FBXO34: variants seen among roughly 807,000 people sequenced by gnomAD.
FBXO34 encodes the protein F-box protein 34.
A neutral mutation model predicts 24.5 loss-of-function variants in FBXO34; 12 were observed. That is an observed-to-expected ratio of 0.49 (90% CI 0.31 to 0.79). The LOEUF (loss-of-function observed/expected upper bound fraction) is 0.79, where lower values mean the gene tolerates loss of function less well. Ranked by LOEUF, FBXO34 falls within the 30% of genes least tolerant of loss-of-function variation. FBXO34 has a pLI of 0.04. For missense variants in FBXO34, 823 were observed against 857.7 expected, an observed-to-expected ratio of 0.96 and a Z score of 0.51; for synonymous variants, 320 against 311.9, an observed-to-expected ratio of 1.03 and a Z score of -0.27.
chr14:55,290,685 C>T (rs1881916971), intron 1 of FBXO34, among the ~76,000 whole-genome samples: 1 of 152,150 alleles, frequency 6.6e-6, no homozygotes, highest in South Asian at 2.1e-4. Context: ...CACTTCATAG[C>T]AGTTTGAATT....
the FBXO34 span, among the ~76,000 whole-genome samples, chr14:55,412,864 TTTC>T: frequency 6.6e-6 from 1 of 152,164 alleles, no homozygotes; most frequent in Non-Finnish European, 1.5e-5. Context: ...ACAAACCTGT[TTTC>T]TTACTTTGGT....
the FBXO34 span, among the ~76,000 whole-genome samples, chr14:55,400,914 AAAATAAAAT>A: frequency 1.4e-5 from 1 of 70,936 alleles, no homozygotes; most frequent in Non-Finnish European, 3.8e-5. Context: ...ATAAATAAAT[AAAATAAAAT>A]AAAATAAAAT....
downstream of FBXO34, chr14:55,370,012 A>C: frequency 7.6e-7 from 1 of 1,313,686 alleles, no homozygotes; most frequent in Middle Eastern, 2.0e-4. Context: ...CCCTCACCTG[A>C]GGGGATGAGG....
At chr14:55,411,577 A>G in the FBXO34 span, 2 of 1,587,046 alleles carry the variant, frequency 1.3e-6, no homozygotes, top group Non-Finnish European at 1.7e-6. Context: ...CAGAAGAAAC[A>G]ATAGGGCCGT....
the FBXO34 span, chr14:55,395,933 A>C: frequency 6.3e-7 from 1 of 1,577,990 alleles, no homozygotes; most frequent in Non-Finnish European, 8.6e-7. Flanking sequence ...CATGTATTAC[A>C]ACTTACCAAC....
the FBXO34 span, among the ~76,000 whole-genome samples, chr14:55,442,817 T>C: frequency 1.3e-5 from 2 of 152,184 alleles, no homozygotes; most frequent in African/African-American, 2.4e-5. Flanking sequence ...CCAAAATTTA[T>C]ATGTTGAAGC....
chr14:55,323,773 T>C (rs1166667911), intron 1 of FBXO34, among the ~76,000 whole-genome samples: 1 of 152,210 alleles, frequency 6.6e-6, no homozygotes, highest in East Asian at 1.9e-4. Flanking sequence ...CCCATTTACT[T>C]GATGTCTTCT....
At chr14:55,309,149 C>T (rs1345453328) in intron 1 of FBXO34, among the ~76,000 whole-genome samples, 1 of 151,938 alleles carries the variant, frequency 6.6e-6, no homozygotes, top group Non-Finnish European at 1.5e-5. Flanking sequence ...TGTGGGTATA[C>T]ACTTTTTGCT....
At chr14:55,314,518 C>G (rs1473263628) in intron 1 of FBXO34, among the ~76,000 whole-genome samples, 1 of 138,360 alleles carries the variant, frequency 7.2e-6, no homozygotes, top group Non-Finnish European at 1.6e-5. Context: ...AGTCTGTTCC[C>G]TGGGAATGGA....
chr14:55,420,103 C>G, the FBXO34 span, among the ~76,000 whole-genome samples: 1 of 152,186 alleles, frequency 6.6e-6, no homozygotes, highest in Non-Finnish European at 1.5e-5. Context: ...CAGACTCTTG[C>G]TCTGTTACCC....
At chr14:55,414,521 A>C in the FBXO34 span, 3 of 1,169,406 alleles carry the variant, frequency 2.6e-6, no homozygotes, top group Admixed American at 7.1e-5. Flanking sequence ...TAAACACTAA[A>C]ATTTCATTGT....
At chr14:55,435,202 G>A in the FBXO34 span, among the ~76,000 whole-genome samples, 23 of 152,110 alleles carry the variant, frequency 1.5e-4, 1 homozygote, top group African/African-American at 5.3e-4. Flanking sequence ...AGGTAGCTGA[G>A]ACAACATTTG....
chr14:55,286,311 A>G (rs1881758253), intron 1 of FBXO34, among the ~76,000 whole-genome samples: 1 of 152,226 alleles, frequency 6.6e-6, no homozygotes, highest in Non-Finnish European at 1.5e-5. Flanking sequence ...TTTCCCTTTT[A>G]GAAGAAAACC....
At chr14:55,324,603 T>A (rs72717703) in intron 1 of FBXO34, among the ~76,000 whole-genome samples, 1 of 152,186 alleles carries the variant, frequency 6.6e-6, no homozygotes, top group African/African-American at 2.4e-5. Context: ...AGTTTGCAAG[T>A]AATGATAGAT....
At chr14:55,277,881 C>T (rs1316304713) in intron 1 of FBXO34, among the ~76,000 whole-genome samples, 1 of 152,118 alleles carries the variant, frequency 6.6e-6, no homozygotes, top group Non-Finnish European at 1.5e-5. Flanking sequence ...GTAGCAAGAT[C>T]ATTTGCTTTA....
chr14:55,334,522 T>G, intron 1 of FBXO34, among the ~76,000 whole-genome samples: 1 of 131,430 alleles, frequency 7.6e-6, no homozygotes, highest in African/African-American at 3.0e-5. Flanking sequence ...AGCCATTGGG[T>G]AATATTGATG....
chr14:55,312,528 T>C (rs982715821), intron 1 of FBXO34, among the ~76,000 whole-genome samples: 2 of 152,222 alleles, frequency 1.3e-5, no homozygotes, highest in Non-Finnish European at 2.9e-5. Context: ...CGCACTGCCC[T>C]AGCAGAGGTT....
At chr14:55,429,835 C>T in the FBXO34 span, among the ~76,000 whole-genome samples, 4 of 149,020 alleles carry the variant, frequency 2.7e-5, no homozygotes, top group East Asian at 2.0e-4. Context: ...AAAAAAAAAT[C>T]GCATATAAGG....
At chr14:55,302,606 G>A (rs1296691350) in intron 1 of FBXO34, among the ~76,000 whole-genome samples, 1 of 151,842 alleles carries the variant, frequency 6.6e-6, no homozygotes, top group Non-Finnish European at 1.5e-5. Context: ...TATCTTGTTC[G>A]GGGGCAGGGA....
Sources: allele counts gnomAD v4.1 joint callset (sites outside exome capture counted in the v4.1 genomes callset), GRCh38; gene constraint gnomAD v4.1.1; transcripts MANE v1.5; gene names NCBI Gene and HGNC (gene_info 2026-07-23, HGNC 2026-07-21).